ABCC3: variants seen among roughly 807,000 people sequenced by gnomAD.
The protein encoded by ABCC3 is ATP binding cassette subfamily C member 3.
A neutral mutation model predicts 165.3 loss-of-function variants in ABCC3; 121 were observed. The observed-to-expected ratio is 0.73, with a 90% CI of 0.63 to 0.85. The LOEUF (loss-of-function observed/expected upper bound fraction) is 0.85. Among genes scored for constraint, ABCC3 ranks in the 40% least tolerant of loss-of-function variants. The probability of loss-of-function intolerance (pLI) is 0.00; values close to 1 mark genes in which losing one functional copy is unlikely to be tolerated. For missense variants in ABCC3, 1,869 were observed against 1,964.1 expected, an observed-to-expected ratio of 0.95 and a Z score of 0.92; for synonymous variants, 733 against 810.1, an observed-to-expected ratio of 0.90 and a Z score of 1.62.
At chr17:50,668,720 C>G in intron 14 of ABCC3, 133 bp from the exon 15 acceptor site, 1 of 834,474 alleles carries the variant, frequency 1.2e-6, no homozygotes, top group South Asian at 1.6e-5. Context: ...TTTCTTCCTC[C>G]CTTTTCCCAA....
chr17:50,688,778 T>C (rs1968068699), intron 30 of ABCC3, among the ~76,000 whole-genome samples: 1 of 151,362 alleles, frequency 6.6e-6, no homozygotes, highest in Non-Finnish European at 1.5e-5. Context: ...TGGTGGTGCA[T>C]GCCTGTAATC....
rs1597856972 is a variant in ABCC3, at chr17:50,674,020, CTCTCTCTCTCTCTCTCTTTCTTTCTT to C, written c.2599+366_2599+391del. Among the ~76,000 whole-genome samples, 15 of 27,674 alleles carry C rather than the reference CTCTCTCTCTCTCTCTCTTTCTTTCTT, an allele frequency of 5.4e-4. 1 individual carries two copies. Among genetic ancestry groups the C allele is most frequent in the Middle Eastern group, 0.015 (1 of 66 alleles). The allele number at this position is 27,674 out of a possible 152,430, so 18.2% of individuals were successfully genotyped here. A position where few individuals can be genotyped will look rare whatever the true frequency, so the allele number is the denominator to read the frequency against. On this transcript the variant is annotated intron_variant, in intron 19 of 30. Coordinates refer to ENST00000285238, the MANE Select transcript of ABCC3 (RefSeq NM_003786.4). ...TCTCTCTCTCTCTCTCTCTCTCTCT[CTCTCTCTCTCTCTCTCTTTCTTTCTT>C]TCTTTCTTTCTTTCTTTCTTTCTTT... is the stretch of plus-strand genomic sequence containing the variant.
intron 6 of ABCC3, among the ~76,000 whole-genome samples, chr17:50,658,939 G>A (rs545712625): frequency 1.3e-5 from 2 of 152,308 alleles, no homozygotes; most frequent in African/African-American, 2.4e-5. Flanking sequence ...CCCAGGCCTC[G>A]TCCTCACCCA....
chr17:50,655,099 CA>C (rs66488957), intron 1 of ABCC3, among the ~76,000 whole-genome samples: 28,469 of 43,526 alleles, frequency 0.65, 8,174 homozygotes, highest in East Asian at 0.93. Flanking sequence ...GACTCCATCT[CA>C]AAAAAAAAAA....
chr17:50,653,785 A>G (rs951552331), intron 1 of ABCC3, among the ~76,000 whole-genome samples: 14 of 152,110 alleles, frequency 9.2e-5, no homozygotes, highest in Admixed American at 1.3e-4. Flanking sequence ...TAAACCAGTA[A>G]AGGCTCAAAG....
At chr17:50,659,052 G>A (rs1018691899) in intron 6 of ABCC3, 185 bp from the exon 7 acceptor site, 1 of 614,656 alleles carries the variant, frequency 1.6e-6, no homozygotes, top group Non-Finnish European at 2.7e-6. Flanking sequence ...GAACTTCGGA[G>A]GGAGAGCCAG....
chr17:50,640,144 G>A (rs1030345507), intron 1 of ABCC3, among the ~76,000 whole-genome samples: 18 of 152,312 alleles, frequency 1.2e-4, no homozygotes, highest in African/African-American at 2.9e-4. Context: ...GGTGTTAGCC[G>A]CTCTGCTCCC....
At chr17:50,664,273 T>A (rs1967470379) in intron 10 of ABCC3, 162 bp downstream of exon 10, 21 of 908,522 alleles carry the variant, frequency 2.3e-5, no homozygotes, top group Non-Finnish European at 3.3e-5. Flanking sequence ...CTGGCTGCAG[T>A]GCGCCACGAT....
chr17:50,658,240 C>T lies in ABCC3; in HGVS notation c.612+33C>T, dbSNP rs752647996. The T allele has an allele frequency of 7.4e-6, 12 of 1,613,968 alleles. No homozygotes were observed. The African/African-American group carries it at 1.3e-4, about 18-fold the overall frequency. ...TCCCATGGAGGGTGCGGGGGCTCCA[C>T]AGCTGAGTCCTCAGCCCAACTCTGA... is the stretch of plus-strand genomic sequence containing the variant. On this transcript the variant is annotated intron_variant, in intron 5 of 30. Transcript: ENST00000285238.
intron 11 of ABCC3, among the ~76,000 whole-genome samples, chr17:50,665,818 G>A (rs1967514763): frequency 6.6e-6 from 1 of 151,300 alleles, no homozygotes; most frequent in South Asian, 2.1e-4. Context: ...CACCATGTTG[G>A]CCAGGCTGGT....
chr17:50,635,410 A>G (rs1179320894), intron 1 of ABCC3: 5 of 691,882 alleles, frequency 7.2e-6, no homozygotes, highest in Non-Finnish European at 1.3e-5. Flanking sequence ...CCACCTGGGC[A>G]TGGATTGCCC....
At chr17:50,684,616 C>T (rs1943752010) in intron 28 of ABCC3, 93 bp from the exon 29 acceptor site, 2 of 1,352,680 alleles carry the variant, frequency 1.5e-6, no homozygotes, top group South Asian at 2.9e-5. Context: ...GGAATGCTGC[C>T]ACCTTAATCC....
chr17:50,670,411 C>G (rs2146623867), intron 17 of ABCC3, among the ~76,000 whole-genome samples: 1 of 152,226 alleles, frequency 6.6e-6, no homozygotes, highest in East Asian at 1.9e-4. Flanking sequence ...TCAGTTTTAA[C>G]AACTGAGGAG....
At chr17:50,665,430 C>T (rs1016024653) in intron 11 of ABCC3, among the ~76,000 whole-genome samples, 185 bp downstream of exon 11, 1 of 152,180 alleles carries the variant, frequency 6.6e-6, no homozygotes, top group Non-Finnish European at 1.5e-5. Context: ...CTGACATTCT[C>T]ATTTTGTAGC....
At position 50,675,103 on chromosome 17, in the gene ABCC3, C is replaced by T. The variant is rs114820205; in HGVS notation, c.2600-259C>T. On this transcript the variant is annotated intron_variant, in intron 19 of 30. Transcript: ENST00000285238. ...GTGAGCCACCATGCCCGACCAAGGACGTGAGTTTTAAGCTCAGCCAGTCTA... is the reference window on the plus strand; with the variant it reads ...GTGAGCCACCATGCCCGACCAAGGATGTGAGTTTTAAGCTCAGCCAGTCTA... Among the ~76,000 whole-genome samples the T allele has an allele frequency of 7.7e-3, 1,171 of 152,202 alleles. 15 individuals are homozygous for T. Among genetic ancestry groups the T allele is most frequent in the African/African-American group, 0.026 (1,060 of 41,512 alleles).
intron 28 of ABCC3, 130 bp downstream of exon 28, chr17:50,684,237 A>G: frequency 8.0e-7 from 1 of 1,243,492 alleles, no homozygotes; most frequent in Non-Finnish European, 1.1e-6. Flanking sequence ...AGGGACAGAC[A>G]GCAGGAAGCA....
At chr17:50,635,076 A>G (rs1376871598) in intron 1 of ABCC3, 95 bp downstream of exon 1, 2 of 1,211,352 alleles carry the variant, frequency 1.7e-6, no homozygotes, top group Non-Finnish European at 2.1e-6. Context: ...GCCGGCAGGT[A>G]TCCCGGGACG....
chr17:50,646,689 T>C (rs1967007833), intron 1 of ABCC3, among the ~76,000 whole-genome samples: 1 of 152,118 alleles, frequency 6.6e-6, no homozygotes, highest in Non-Finnish European at 1.5e-5. Context: ...CCAGGGAATC[T>C]GAAGGGAAGA....
At position 50,673,530 on chromosome 17, in the gene ABCC3, T is replaced by C. The variant is rs752660566; in HGVS notation, c.2471T>C (p.Leu824Pro). The C allele has an allele frequency of 6.2e-6, 10 of 1,614,180 alleles. No individual in the cohort carries two copies. The Middle Eastern group carries it at 4.9e-4, about 80-fold the overall frequency. Reference sequence around the variant, plus strand: ...CCCCAGACAGACTTCATCATTGTGCTAGCTGATGGACAGGTGTCTGAGATG... The same window carrying C: ...CCCCAGACAGACTTCATCATTGTGCCAGCTGATGGACAGGTGTCTGAGATG... ...FLPQTDFIIV[L>P]ADGQVSEMGP... The change falls in exon 19 of 31, where the codon CTA becomes CCA. Residue 824 changes from leucine to proline, a missense_variant. Physicochemically the swap from Leu to Pro is moderately conservative, Grantham distance 98. Transcript: ENST00000285238.
Sources: gnomAD v4.1 joint callset for allele counts (sites outside exome capture counted in the v4.1 genomes callset) on GRCh38, gnomAD v4.1.1 for gene constraint, MANE v1.5 for transcripts, NCBI Gene and HGNC (gene_info 2026-07-23, HGNC 2026-07-21) for gene names.